NIPSNAP3A: variants seen among roughly 807,000 people sequenced by gnomAD.
NIPSNAP3A encodes protein NipSnap homolog 3A.
In NIPSNAP3A, 27 loss-of-function variants were observed where a neutral mutation model predicts 32.3. The ratio of observed to expected loss-of-function variants is 0.84; its 90% confidence interval spans 0.62 to 1.15. NIPSNAP3A has a LOEUF of 1.15. Ranked by LOEUF, NIPSNAP3A falls within the 50% of genes most tolerant of loss-of-function variation. The pLI, the probability that NIPSNAP3A is intolerant of heterozygous loss-of-function variation, is 0.00. For missense variants in NIPSNAP3A, 278 were observed against 297.2 expected (o/e 0.94, Z 0.48); for synonymous variants, 108 against 107.3 (o/e 1.01, Z -0.04).
chr9:104,751,710 T>C (rs1450137768), intron 2 of NIPSNAP3A, among the ~76,000 whole-genome samples: 1 of 152,202 alleles, frequency 6.6e-6, no homozygotes, highest in Non-Finnish European at 1.5e-5. Context: ...TTAATAATTC[T>C]GTTATGTTTA....
rs1827863126 is a variant in NIPSNAP3A, at chr9:104,752,941, T to G, written c.307T>G (p.Leu103Val). The G allele has an allele frequency of 6.2e-7, 1 of 1,613,340 alleles. No homozygotes were observed. The highest frequency in any genetic ancestry group is 1.3e-5 in the African/African-American group (1 of 74,910). Residue 103 changes from leucine to valine, a missense_variant, in exon 3 of 6, where the codon TTG (leucine) becomes GTG (valine). By Grantham distance (32) the Leu-to-Val change is conservative (BLOSUM62 1). Transcript: ENST00000374767. ...FAHRTEVRKA[L>V]AKDKEWQEQF... is the part of the protein sequence containing the mutation. ...TCATCGAACTGAAGTTCGGAAAGCCTTGGCCAAAGATAAGGAATGGCAAGA... is the reference window on the plus strand; with the variant it reads ...TCATCGAACTGAAGTTCGGAAAGCCGTGGCCAAAGATAAGGAATGGCAAGA...
Position 104,750,897 on chromosome 9 carries a change from AAC to A in NIPSNAP3A, c.61-55_61-54del, listed in dbSNP as rs566942076. The A allele has an allele frequency of 1.7e-4, 235 of 1,356,094 alleles. No individual in the cohort carries two copies. The African/African-American group carries it at 3.1e-3, about 18-fold the overall frequency. The allele number at this position is 1,356,094 out of a possible 1,614,324, so 84.0% of individuals were successfully genotyped here. On this transcript the variant is annotated intron_variant, in intron 1 of 5. Coordinates refer to ENST00000374767, the MANE Select transcript of NIPSNAP3A (RefSeq NM_015469.3). ...TTGTACCAGATTCAGATTAGGTTTTAACACAATATAATGAATCCTGTCTTCTC... is the reference window on the plus strand; with the variant it reads ...TTGTACCAGATTCAGATTAGGTTTTAACAATATAATGAATCCTGTCTTCTC...
rs547553114 is a variant in NIPSNAP3A at position 104,752,921 on chromosome 9, G to A, written c.287G>A (p.Arg96Gln). Reference sequence around the variant, plus strand: ...CTTCCCACAGATAATTTTGCTCATCGAACTGAAGTTCGGAAAGCCTTGGCC... The same window carrying A: ...CTTCCCACAGATAATTTTGCTCATCAAACTGAAGTTCGGAAAGCCTTGGCC... ...HIWKYDNFAH[R>Q]TEVRKALAKD... The change falls in exon 3 of 6, where the codon CGA becomes CAA. Residue 96 changes from arginine to glutamine, a missense_variant. Physicochemically the swap from Arg to Gln is conservative, Grantham distance 43. Coordinates refer to ENST00000374767, the MANE Select transcript of NIPSNAP3A (RefSeq NM_015469.3). 5.3e-5 allele frequency: 85 copies of A among 1,612,652 alleles called. No homozygotes were observed. The Admixed American group carries it at 5.7e-4, about 11-fold the overall frequency.
chr9:104,750,579 A>G (rs1030691280), intron 1 of NIPSNAP3A, among the ~76,000 whole-genome samples: 4 of 152,154 alleles, frequency 2.6e-5, no homozygotes, highest in African/African-American at 7.2e-5. Context: ...CATCCTCTTC[A>G]TTTATATACG....
intron 4 of NIPSNAP3A, among the ~76,000 whole-genome samples, chr9:104,755,517 T>A (rs577488997): frequency 1.3e-5 from 2 of 152,176 alleles, no homozygotes; most frequent in Admixed American, 6.6e-5. Context: ...ATAAATTTAT[T>A]TAATAAAACA....
chr9:104,752,806 T>C lies in NIPSNAP3A; in HGVS notation c.272-100T>C. On this transcript the variant is annotated intron_variant, in intron 2 of 5. Transcript: ENST00000374767. ...CCAAAGGCCTAACACAAGGTTCTTATATGGCATCAATGACCATTGCTGATG... is the reference window on the plus strand; with the variant it reads ...CCAAAGGCCTAACACAAGGTTCTTACATGGCATCAATGACCATTGCTGATG... 6.2e-6 allele frequency: 6 copies of C among 970,124 alleles called. No homozygotes were observed. In the Admixed American group the frequency reaches 7.9e-5, roughly 13 times the overall value. The allele number at this position is 970,124 out of a possible 1,614,324, so 60.1% of individuals were successfully genotyped here. A position where few individuals can be genotyped will look rare whatever the true frequency, so the allele number is the denominator to read the frequency against.
chr9:104,748,754 CAG>C (rs1588159217), intron 1 of NIPSNAP3A, among the ~76,000 whole-genome samples: 1 of 152,152 alleles, frequency 6.6e-6, no homozygotes, highest in African/African-American at 2.4e-5. Flanking sequence ...AATGATTCTC[CAG>C]TGGGGCAGGG....
chr9:104,754,438 C>G, intron 3 of NIPSNAP3A, 113 bp from the exon 4 acceptor site: 5 of 817,572 alleles, frequency 6.1e-6, no homozygotes, highest in Non-Finnish European at 8.1e-6. Context: ...AATATGTATG[C>G]ATGTCTGATC....
At chr9:104,750,878 C>G (rs1298933384) in intron 1 of NIPSNAP3A, 78 bp from the exon 2 acceptor site, 3 of 1,128,930 alleles carry the variant, frequency 2.7e-6, no homozygotes, top group South Asian at 2.5e-5. Flanking sequence ...TCCCTTGTAC[C>G]AGATTCAGAT....
rs559582304 is a variant in NIPSNAP3A at position 104,759,006 on chromosome 9, G to A, written c.581-79G>A. ...AAAAAAAAAAAAAAAAGAATAGGAT[G>A]GGTTTGATTCATTTTTCTGTTATTT... On this transcript the variant is annotated intron_variant, in intron 4 of 5. Coordinates refer to ENST00000374767, the MANE Select transcript of NIPSNAP3A (RefSeq NM_015469.3). The A allele has an allele frequency of 2.7e-4, 321 of 1,186,496 alleles. No homozygotes were observed. In the African/African-American group the frequency reaches 3.9e-3, roughly 14 times the overall value. The allele number at this position is 1,186,496 out of a possible 1,614,324, so 73.5% of individuals were successfully genotyped here.
chr9:104,759,136 A>G lies in NIPSNAP3A; in HGVS notation c.632A>G (p.His211Arg), dbSNP rs765012366. ...GCAGATAGTCGTGCAGCTGGGAGAC[A>G]TAAGTCCCATGAGGATCCCAGAGTT... ...ESADSRAAGR[H>R]KSHEDPRVVA... Residue 211 changes from histidine (H) to arginine (R), a missense_variant, in exon 5 of 6, where the codon CAT becomes CGT. Transcript: ENST00000374767. The G allele has an allele frequency of 1.1e-5, 17 of 1,613,428 alleles. No individual in the cohort carries two copies. Among genetic ancestry groups the G allele is most frequent in the African/African-American group, 1.3e-5 (1 of 74,926 alleles).
intron 2 of NIPSNAP3A, among the ~76,000 whole-genome samples, chr9:104,751,928 C>T (rs535542083): frequency 6.6e-6 from 1 of 152,132 alleles, no homozygotes; most frequent in East Asian, 1.9e-4. Flanking sequence ...CTTGATGATA[C>T]CTAAAGAATT....
In NIPSNAP3A at chr9:104,751,074, C is replaced by T; in HGVS notation, c.179C>T (p.Ala60Val). 3 of 1,614,006 alleles carry T rather than the reference C, an allele frequency of 1.9e-6. No individual in the cohort carries two copies. The highest frequency in any genetic ancestry group is 2.5e-6 in the Non-Finnish European group (3 of 1,179,914). Residue 60 changes from alanine to valine, a missense_variant, in exon 2 of 6, where the codon GCT becomes GTT. Ala to Val is a moderately conservative substitution (Grantham distance 64). Transcript: ENST00000374767. Reference protein sequence around the residue: ...NEFLENFEKNAHLRTAHSELV... With the variant: ...NEFLENFEKNVHLRTAHSELV... ...TTCCTGGAAAATTTTGAGAAAAACGCTCATCTTCGGACAGCTCACTCTGAA... is the reference window on the plus strand; with the variant it reads ...TTCCTGGAAAATTTTGAGAAAAACGTTCATCTTCGGACAGCTCACTCTGAA...
Position 104,759,307 on chromosome 9 carries a change from T to C in NIPSNAP3A, c.713T>C (p.Leu238Pro), listed in dbSNP as rs1410851465. ...NYLVSQQNML[L>P]IPTSFSPLK ...CTAGTATCTCAGCAGAATATGCTTC[T>C]GATTCCTACATCGTTTTCACCACTG... The change falls in exon 6 of 6, where the codon CTG becomes CCG. Residue 238 changes from leucine to proline, a missense_variant. By Grantham distance (98) the Leu-to-Pro change is moderately conservative. Coordinates refer to ENST00000374767, the MANE Select transcript of NIPSNAP3A (RefSeq NM_015469.3). 6.2e-7 allele frequency: 1 copy of C among 1,614,044 alleles called. No homozygotes were observed. The highest frequency in any genetic ancestry group is 1.7e-5 in the Admixed American group (1 of 60,038).
intron 4 of NIPSNAP3A, among the ~76,000 whole-genome samples, chr9:104,755,982 G>C (rs1827901788): frequency 6.6e-6 from 1 of 151,862 alleles, no homozygotes; most frequent in Non-Finnish European, 1.5e-5. Flanking sequence ...ATATTTGAAA[G>C]ACTCATCATA....
rs781758692 is a variant in NIPSNAP3A, at chr9:104,747,869, T to TA, written c.60+18dup. 28 of 1,596,948 alleles carry TA rather than the reference T, an allele frequency of 1.8e-5. No individual in the cohort carries two copies. Among genetic ancestry groups the TA allele is most frequent in the Middle Eastern group, 2.2e-4 (1 of 4,532 alleles). ...GCGCCTCAGGTACCGGCCACGGGGG[T>TA]ACCCAAGCCTTCACCCGACGGGAGG... On this transcript the variant is annotated intron_variant, in intron 1 of 5. Transcript: ENST00000374767.
chr9:104,752,113 A>G (rs146761334), intron 2 of NIPSNAP3A, among the ~76,000 whole-genome samples: 185 of 152,220 alleles, frequency 1.2e-3, no homozygotes, highest in African/African-American at 4.2e-3. Flanking sequence ...CCTTATCCCA[A>G]TGTAAACCAT....
chr9:104,748,866 G>A (rs1257323207), intron 1 of NIPSNAP3A, among the ~76,000 whole-genome samples: 2 of 152,152 alleles, frequency 1.3e-5, no homozygotes, highest in Non-Finnish European at 2.9e-5. Context: ...TTGCTGGTGG[G>A]AATGATCCCT....
At chr9:104,757,693 G>A (rs906918627) in intron 4 of NIPSNAP3A, among the ~76,000 whole-genome samples, 2 of 151,948 alleles carry the variant, frequency 1.3e-5, no homozygotes, top group African/African-American at 2.4e-5. Context: ...ACGTCATATC[G>A]TGTATTTACA....
Sources: allele counts gnomAD v4.1 joint callset (sites outside exome capture counted in the v4.1 genomes callset), GRCh38; gene constraint gnomAD v4.1.1; transcripts MANE v1.5; gene names NCBI Gene and HGNC (gene_info 2026-07-23, HGNC 2026-07-21).